ATAD3B: variants seen among roughly 807,000 people sequenced by gnomAD.
ATAD3B encodes ATPase family AAA domain-containing protein 3B.
A neutral mutation model predicts 70.2 loss-of-function variants in ATAD3B; 59 were observed. That is an observed-to-expected ratio of 0.84 (90% CI 0.68 to 1.04). The LOEUF (loss-of-function observed/expected upper bound fraction) is 1.04. Among genes scored for constraint, ATAD3B ranks in the 50% least tolerant of loss-of-function variants. The pLI, the probability that ATAD3B is intolerant of heterozygous loss-of-function variation, is 0.00. For missense variants in ATAD3B, 961 were observed against 913.4 expected, an observed-to-expected ratio of 1.05 and a Z score of -0.67; for synonymous variants, 423 against 388.6, an observed-to-expected ratio of 1.09 and a Z score of -1.04.
chr1:1,501,627 A>G (rs1640947591), downstream of ATAD3B, among the ~76,000 whole-genome samples: 1 of 151,674 alleles, frequency 6.6e-6, no homozygotes, highest in Non-Finnish European at 1.5e-5. Context: ...CTGACCTCAG[A>G]TGATGCACCT....
intron 11 of ATAD3B, 145 bp from the exon 12 acceptor site, chr1:1,487,718 G>C: frequency 2.0e-6 from 2 of 1,023,056 alleles, no homozygotes; most frequent in Middle Eastern, 3.2e-4. Flanking sequence ...GGCTTCTGTC[G>C]AGTCCAGGAC....
intron 12 of ATAD3B, 117 bp from the exon 13 acceptor site, chr1:1,489,087 C>T: frequency 6.5e-7 from 1 of 1,541,188 alleles, no homozygotes; most frequent in Non-Finnish European, 8.8e-7. Context: ...AGTTTAGATC[C>T]ATGAAAGTGT....
intron 15 of ATAD3B, among the ~76,000 whole-genome samples, chr1:1,492,177 C>G (rs1640570557): frequency 1.3e-5 from 2 of 151,920 alleles, no homozygotes; most frequent in South Asian, 4.2e-4. Context: ...CAGAGCAAGA[C>G]CCTGTCTTAA....
the ATAD3B span, among the ~76,000 whole-genome samples, chr1:1,506,426 A>G: frequency 6.9e-6 from 1 of 144,586 alleles, no homozygotes; most frequent in African/African-American, 2.6e-5. Context: ...TTTTCTTGAG[A>G]TGGAGTCTCA....
rs1460124183 is a variant in ATAD3B at position 1,496,428 on chromosome 1, G to T, written c.*611G>T. The T allele has an allele frequency of 2.7e-5, 5 of 183,806 alleles. No homozygotes were observed. Among genetic ancestry groups the T allele is most frequent in the Non-Finnish European group, 4.1e-5 (4 of 97,608 alleles). The allele number at this position is 183,806 out of a possible 1,614,324, so 11.4% of individuals were successfully genotyped here. On this transcript the variant is annotated 3_prime_UTR_variant, in exon 16 of 16. Coordinates refer to ENST00000673477, the MANE Select transcript of ATAD3B (RefSeq NM_031921.6). ...CACCAGCCCCTCCCTCCTGAAGGAG[G>T]GGCACCCCGAGAAGAATGAGGCTGC...
rs1256966906 is a variant in ATAD3B, at chr1:1,483,536, C to T, written c.750+922C>T. ...GGTGTAATCCCAGCACTTTGGGAGG[C>T]CAAGACGGGTGGATCACTTGAGGTC... On this transcript the variant is annotated intron_variant, in intron 7 of 15. Coordinates refer to ENST00000673477, the MANE Select transcript of ATAD3B (RefSeq NM_031921.6). 2.8e-5 allele frequency: 5 copies of T among 178,252 alleles called. 1 individual carries two copies. The allele number at this position is 178,252 out of a possible 1,614,324, so 11.0% of individuals were successfully genotyped here.
chr1:1,489,693 C>G, intron 13 of ATAD3B: 11 of 1,316,334 alleles, frequency 8.4e-6, no homozygotes, highest in Non-Finnish European at 1.1e-5. Context: ...CCCCTCCAGC[C>G]CCAGTCACGT....
intron 5 of ATAD3B, among the ~76,000 whole-genome samples, 197 bp from the exon 6 acceptor site, chr1:1,481,941 G>C (rs1379716497): frequency 7.2e-6 from 1 of 138,960 alleles, no homozygotes; most frequent in South Asian, 2.2e-4. Flanking sequence ...TGTCTGTGGC[G>C]TGGGCCGGTC....
At chr1:1,504,714 G>C in the ATAD3B span, among the ~76,000 whole-genome samples, 2 of 152,034 alleles carry the variant, frequency 1.3e-5, no homozygotes, top group African/African-American at 4.8e-5. Flanking sequence ...ATAACCACTG[G>C]GGCGTGTGTG....
downstream of ATAD3B, among the ~76,000 whole-genome samples, chr1:1,500,914 G>A (rs1008323808): frequency 3.9e-5 from 6 of 151,904 alleles, no homozygotes; most frequent in African/African-American, 7.2e-5. Flanking sequence ...CCGAGATTGC[G>A]GCACTGCACT....
At chr1:1,500,775 A>G (rs953846279), downstream of ATAD3B, among the ~76,000 whole-genome samples, 2 of 150,768 alleles carry the variant, frequency 1.3e-5, no homozygotes, top group African/African-American at 4.9e-5. Flanking sequence ...AACAGGGTGA[A>G]ACCCCGTCTC....
At chr1:1,487,664 TCTGAG>T (rs915248412) in intron 11 of ATAD3B, among the ~76,000 whole-genome samples, 194 bp from the exon 12 acceptor site, 4 of 151,876 alleles carry the variant, frequency 2.6e-5, no homozygotes, top group African/African-American at 9.7e-5. Flanking sequence ...CCCACTGCCT[TCTGAG>T]GCTGAGACGT....
rs1639729222 is a variant in ATAD3B, at chr1:1,478,684, T to A, written c.323T>A (p.Ile108Asn). The A allele has an allele frequency of 1.9e-6, 3 of 1,542,172 alleles. No homozygotes were observed. In the East Asian group the frequency reaches 7.4e-5, roughly 38 times the overall value. The change falls in exon 3 of 16, where the codon ATC becomes AAC. Residue 108 changes from isoleucine to asparagine, a missense_variant. By Grantham distance (149) the Ile-to-Asn change is moderately radical. Coordinates refer to ENST00000673477, the MANE Select transcript of ATAD3B (RefSeq NM_031921.6). ...GTGGAGCAGCTCAAGAGCGAGCAGA[T>A]CCGGGCGCAGGCTGAGGAGAGGAGG... is the stretch of plus-strand genomic sequence containing the variant. ...AAVEQLKSEQ[I>N]RAQAEERRKT...
chr1:1,500,516 C>CG (rs1345357199), downstream of ATAD3B, among the ~76,000 whole-genome samples: 2,635 of 147,194 alleles, frequency 0.018, 39 homozygotes, highest in Admixed American at 0.033. Context: ...TGCGCCACTG[C>CG]CCTCCAGTCT....
chr1:1,474,188 C>A (rs1446593051), intron 1 of ATAD3B, among the ~76,000 whole-genome samples: 1 of 144,698 alleles, frequency 6.9e-6, no homozygotes, highest in African/African-American at 2.8e-5. Flanking sequence ...TTTCTTTTTT[C>A]TTTTCTTTTT....
At chr1:1,491,438 G>T (rs146649967) in intron 15 of ATAD3B, among the ~76,000 whole-genome samples, 1 of 152,018 alleles carries the variant, frequency 6.6e-6, no homozygotes, top group Non-Finnish European at 1.5e-5. Context: ...GGCTGAGGCA[G>T]AAGAATTGCT....
At chr1:1,492,413 G>C (rs1412788152) in intron 15 of ATAD3B, among the ~76,000 whole-genome samples, 1 of 151,806 alleles carries the variant, frequency 6.6e-6, no homozygotes, top group African/African-American at 2.4e-5. Flanking sequence ...TTGAACCCAC[G>C]AGGCAGAGGA....
At chr1:1,509,461 G>A in the ATAD3B span, 9 of 1,585,474 alleles carry the variant, frequency 5.7e-6, no homozygotes, top group East Asian at 6.8e-5. Flanking sequence ...TCCCACGGGG[G>A]CCGCACCGCT....
chr1:1,472,743 G>T (rs1639394628), intron 1 of ATAD3B, among the ~76,000 whole-genome samples: 1 of 152,078 alleles, frequency 6.6e-6, no homozygotes, highest in Admixed American at 6.6e-5. Flanking sequence ...GCACGATGCA[G>T]TTCAAATGGC....
Sources: allele counts gnomAD v4.1 joint callset (sites outside exome capture counted in the v4.1 genomes callset), GRCh38; gene constraint gnomAD v4.1.1; transcripts MANE v1.5; gene names NCBI Gene and HGNC (gene_info 2026-07-23, HGNC 2026-07-21).